The following ESR1 variants were observed in gnomAD, a reference collection of about 807,000 sequenced individuals.
ESR1 encodes the protein estrogen receptor.
ESR1 carries 12 observed loss-of-function variants against 52.7 expected under a neutral mutation model. That is an observed-to-expected ratio of 0.23 (90% confidence interval 0.15 to 0.37). The LOEUF (loss-of-function observed/expected upper bound fraction) is 0.37. Ranked by LOEUF, ESR1 falls within the 10% of genes least tolerant of loss-of-function variation. ESR1 has a pLI of 1.00. For synonymous variants in ESR1, 305 were observed against 316.8 expected (o/e 0.96, Z 0.39); for missense variants, 584 against 779.7 (o/e 0.75, Z 2.99).
At chr6:151,731,757 C>T (rs1201386500) in intron 2 of ESR1, among the ~76,000 whole-genome samples, 1 of 152,122 alleles carries the variant, frequency 6.6e-6, no homozygotes, top group Admixed American at 6.5e-5. Context: ...TAATTTTCTC[C>T]CTCATCAGGG....
chr6:151,922,034 T>C (rs1387244694), intron 3 of ESR1, among the ~76,000 whole-genome samples: 5 of 152,084 alleles, frequency 3.3e-5, no homozygotes, highest in Admixed American at 3.3e-4. Context: ...ATTTATTGCA[T>C]AGATTTTCTT....
intron 2 of ESR1, among the ~76,000 whole-genome samples, chr6:151,862,016 T>C (rs1258474579): frequency 6.6e-6 from 1 of 152,190 alleles, no homozygotes; most frequent in East Asian, 1.9e-4. Context: ...ATGCTGTCCT[T>C]ACAAATTTGA....
At chr6:152,114,437 G>A (rs1221324430) in intron 6 of ESR1, among the ~76,000 whole-genome samples, 1 of 152,096 alleles carries the variant, frequency 6.6e-6, no homozygotes, top group Non-Finnish European at 1.5e-5. Flanking sequence ...CAGTCAGGGA[G>A]CCTCCTTACC....
chr6:152,065,611 TA>T (rs1430242613), intron 6 of ESR1, among the ~76,000 whole-genome samples: 4 of 152,206 alleles, frequency 2.6e-5, no homozygotes, highest in African/African-American at 9.7e-5. Flanking sequence ...CCCTCCCTGG[TA>T]ACTTTATCTA....
At chr6:151,731,474 G>A (rs2128040623) in intron 2 of ESR1, among the ~76,000 whole-genome samples, 1 of 152,262 alleles carries the variant, frequency 6.6e-6, no homozygotes, top group Admixed American at 6.5e-5. Flanking sequence ...GACATGGGCA[G>A]CTGCTTGTCC....
rs752845278 is a variant in ESR1 at position 151,822,585 on chromosome 6, G to A, written c.452+14221G>A. Among the ~76,000 whole-genome samples the A allele has an allele frequency of 1.7e-4, 26 of 152,078 alleles. No individual in the cohort carries two copies. The East Asian group carries it at 3.1e-3, about 18-fold the overall frequency. On this transcript the variant is annotated intron_variant, in intron 1 of 7. Transcript: ENST00000206249. Reference sequence around the variant, plus strand: ...GGAGATGATCATTTTAAATCTTCCCGAAGTCCAGGCTAAACCTTTCTAATT... The same window carrying A: ...GGAGATGATCATTTTAAATCTTCCCAAAGTCCAGGCTAAACCTTTCTAATT...
At chr6:151,914,649 C>A (rs973394250) in intron 3 of ESR1, among the ~76,000 whole-genome samples, 8 of 152,136 alleles carry the variant, frequency 5.3e-5, no homozygotes, top group Non-Finnish European at 1.0e-4. Flanking sequence ...AGCTGCCTTG[C>A]TAATCTTTTG....
intron 3 of ESR1, 125 bp from the exon 4 acceptor site, chr6:151,944,048 A>T: frequency 1.3e-6 from 1 of 760,564 alleles, no homozygotes; most frequent in Non-Finnish European, 2.2e-6. Context: ...AACACTTACC[A>T]GCTCACCTGT....
intron 2 of ESR1, among the ~76,000 whole-genome samples, chr6:151,863,881 A>C (rs1040938238): frequency 9.9e-5 from 15 of 152,164 alleles, no homozygotes; most frequent in Middle Eastern, 3.2e-3. Flanking sequence ...AAACTGGATC[A>C]CTTCCTTACA....
At chr6:152,121,668 A>G (rs1562805585) in intron 6 of ESR1, 2 of 90,442 alleles carry the variant, frequency 2.2e-5, no homozygotes, top group African/African-American at 9.8e-5. Flanking sequence ...TGTTTAGGGA[A>G]AAAAAAGCAC....
intron 4 of ESR1, among the ~76,000 whole-genome samples, chr6:151,952,193 AG>A: frequency 6.6e-6 from 1 of 152,352 alleles, no homozygotes; most frequent in South Asian, 2.1e-4. Context: ...TATCTAGCTT[AG>A]TAATTGTTTT....
intron 4 of ESR1, among the ~76,000 whole-genome samples, chr6:151,990,604 A>G (rs1228997641): frequency 6.6e-6 from 1 of 151,676 alleles, no homozygotes; most frequent in South Asian, 2.1e-4. Context: ...AACTAGTGAC[A>G]TGGTGGCCCA....
chr6:151,702,733 ATAACT>A (rs1295957626), intron 2 of ESR1, among the ~76,000 whole-genome samples: 1 of 152,264 alleles, frequency 6.6e-6, no homozygotes, highest in Non-Finnish European at 1.5e-5. Context: ...TTAAGATAAA[ATAACT>A]TACTGACTGT....
intron 6 of ESR1, among the ~76,000 whole-genome samples, chr6:152,111,647 G>C (rs1051841052): frequency 6.6e-6 from 1 of 152,182 alleles, no homozygotes; most frequent in Non-Finnish European, 1.5e-5. Flanking sequence ...TTTCCAACCA[G>C]AAAGAACATG....
At chr6:152,066,608 A>C (rs2047984141) in intron 6 of ESR1, among the ~76,000 whole-genome samples, 1 of 152,202 alleles carries the variant, frequency 6.6e-6, no homozygotes, top group East Asian at 1.9e-4. Flanking sequence ...GATAAATGGC[A>C]CTTCATAGTA....
At chr6:151,956,863 A>ATATAAAT (rs1175773832) in intron 4 of ESR1, among the ~76,000 whole-genome samples, 1 of 53,904 alleles carries the variant, frequency 1.9e-5, no homozygotes, top group South Asian at 4.7e-4. Flanking sequence ...TATATATATA[A>ATATAAAT]ATATATATAT....
chr6:152,057,547 C>T (rs923287688), intron 5 of ESR1, among the ~76,000 whole-genome samples: 5 of 152,088 alleles, frequency 3.3e-5, no homozygotes, highest in Non-Finnish European at 7.4e-5. Flanking sequence ...CCCCAGAAGC[C>T]CTCAAAGTTC....
intron 1 of ESR1, among the ~76,000 whole-genome samples, chr6:151,815,595 C>G (rs1025419384): frequency 2.0e-5 from 3 of 152,194 alleles, no homozygotes; most frequent in African/African-American, 4.8e-5. Flanking sequence ...GTTTGTGAAT[C>G]TCTCTTTCTC....
chr6:151,750,836 C>G (rs759503529), intron 2 of ESR1, among the ~76,000 whole-genome samples: 12 of 151,924 alleles, frequency 7.9e-5, no homozygotes, highest in Non-Finnish European at 1.5e-4. Context: ...CAAATGAAAA[C>G]AAAAGTCAGA....
Sources: allele counts gnomAD v4.1 joint callset (sites outside exome capture counted in the v4.1 genomes callset), GRCh38; gene constraint gnomAD v4.1.1; transcripts MANE v1.5; gene names NCBI Gene and HGNC (gene_info 2026-07-23, HGNC 2026-07-21).